Variants in CNTNAP2 observed in about 807,000 individuals in gnomAD.
The protein encoded by CNTNAP2 is contactin associated protein 2.
A neutral mutation model predicts 155.2 loss-of-function variants in CNTNAP2; 98 were observed. The observed-to-expected ratio is 0.63, with a 90% confidence interval of 0.54 to 0.75. The LOEUF (loss-of-function observed/expected upper bound fraction) is 0.75. Ranked by LOEUF, CNTNAP2 falls within the 30% of genes least tolerant of loss-of-function variation. CNTNAP2 has a pLI of 0.00. For missense variants in CNTNAP2, 1,727 were observed against 1,688.1 expected (o/e 1.02, Z -0.40); for synonymous variants, 651 against 631.2 (o/e 1.03, Z -0.47).
intron 18 of CNTNAP2, among the ~76,000 whole-genome samples, chr7:148,209,951 C>T (rs1312556139): frequency 2.6e-5 from 4 of 152,220 alleles, no homozygotes; most frequent in African/African-American, 9.7e-5. Flanking sequence ...TCCTAGAATA[C>T]TTTCCCTACC....
At chr7:147,714,445 T>G (rs1464843) in intron 13 of CNTNAP2, among the ~76,000 whole-genome samples, 2 of 42,456 alleles carry the variant, frequency 4.7e-5, no homozygotes, top group East Asian at 1.7e-3. Context: ...GTGTTTGTTT[T>G]TGTTTCAGTT....
In CNTNAP2 at chr7:147,357,161, C is replaced by G. The variant is rs115203296; in HGVS notation, c.1499-38448C>G. On this transcript the variant is annotated intron_variant, in intron 9 of 23. Transcript: ENST00000361727. ...GGTACTATTATTATTCTTTCTGGGT[C>G]TACCCCTTTGTCCTCTAGCTATTTT... Among the ~76,000 whole-genome samples, 1,317 of 152,214 alleles carry G rather than the reference C, an allele frequency of 8.7e-3. 20 individuals are homozygous for G. The highest frequency in any genetic ancestry group is 0.03 in the African/African-American group (1,263 of 41,534).
intron 1 of CNTNAP2, among the ~76,000 whole-genome samples, chr7:146,469,322 A>G (rs1584939610): frequency 6.6e-6 from 1 of 151,604 alleles, no homozygotes; most frequent in Non-Finnish European, 1.5e-5. Context: ...CCTGCACATC[A>G]TCTCGGTCCC....
At chr7:147,227,744 G>A (rs537838172) in intron 8 of CNTNAP2, among the ~76,000 whole-genome samples, 2 of 152,208 alleles carry the variant, frequency 1.3e-5, no homozygotes, top group South Asian at 4.2e-4. Flanking sequence ...GTTGACTTTG[G>A]GCTCTCTACT....
chr7:148,375,192 G>C (rs912333283), intron 21 of CNTNAP2, among the ~76,000 whole-genome samples: 4 of 150,978 alleles, frequency 2.6e-5, no homozygotes, highest in Non-Finnish European at 5.9e-5. Flanking sequence ...CAATGTTTTT[G>C]GTACTGTGTA....
At chr7:147,141,412 T>G (rs542139633) in intron 8 of CNTNAP2, among the ~76,000 whole-genome samples, 1 of 152,278 alleles carries the variant, frequency 6.6e-6, no homozygotes, top group Non-Finnish European at 1.5e-5. Context: ...CCAGATTGCC[T>G]ACTGGCTATC....
intron 2 of CNTNAP2, among the ~76,000 whole-genome samples, chr7:146,810,385 G>C (rs1460498921): frequency 6.8e-6 from 1 of 147,316 alleles, no homozygotes; most frequent in African/African-American, 2.5e-5. Flanking sequence ...ATAGTTTTTA[G>C]TGTATGGACC....
intron 18 of CNTNAP2, among the ~76,000 whole-genome samples, chr7:148,182,049 G>T (rs890185336): frequency 1.3e-5 from 2 of 150,470 alleles, no homozygotes; most frequent in African/African-American, 4.9e-5. Context: ...GAGCCACCGC[G>T]CCTGGCCAAG....
intron 8 of CNTNAP2, among the ~76,000 whole-genome samples, chr7:147,254,405 G>T (rs1363007882): frequency 3.3e-5 from 5 of 152,112 alleles, no homozygotes; most frequent in Non-Finnish European, 5.9e-5. Context: ...CCAAGTACTA[G>T]TATAAAAATA....
At chr7:146,875,477 TTTTGAAAGTGC>T (rs1795399383) in intron 3 of CNTNAP2, among the ~76,000 whole-genome samples, 1 of 152,152 alleles carries the variant, frequency 6.6e-6, no homozygotes. Flanking sequence ...TGTAAATCTT[TTTTGAAAGTGC>T]TTTGCCAGTT....
At chr7:147,425,115 C>A (rs1300666761) in intron 10 of CNTNAP2, among the ~76,000 whole-genome samples, 1 of 149,928 alleles carries the variant, frequency 6.7e-6, no homozygotes, top group African/African-American at 2.5e-5. Flanking sequence ...AATGTAAAAG[C>A]CAAAGGTTTT....
intron 4 of CNTNAP2, among the ~76,000 whole-genome samples, chr7:147,091,970 A>G (rs1198157569): frequency 1.3e-5 from 2 of 151,582 alleles, no homozygotes; most frequent in Admixed American, 1.3e-4. Context: ...CGATCTCCTG[A>G]CCTCGTGATC....
intron 3 of CNTNAP2, among the ~76,000 whole-genome samples, chr7:147,020,044 A>G (rs1798792627): frequency 6.6e-6 from 1 of 152,138 alleles, no homozygotes; most frequent in African/African-American, 2.4e-5. Context: ...TAGATATAGT[A>G]TAGTATAGTA....
At chr7:147,067,468 T>A (rs1325138653) in intron 4 of CNTNAP2, among the ~76,000 whole-genome samples, 1 of 152,096 alleles carries the variant, frequency 6.6e-6, no homozygotes. Context: ...TCTACTAAAC[T>A]CAAAAAACTG....
chr7:147,517,607 A>G (rs137984728), intron 11 of CNTNAP2, among the ~76,000 whole-genome samples: 315 of 152,348 alleles, frequency 2.1e-3, no homozygotes, highest in African/African-American at 6.8e-3. Context: ...GCTATGATAA[A>G]CAAGAGGAAC....
intron 1 of CNTNAP2, among the ~76,000 whole-genome samples, chr7:146,411,946 C>T (rs1252257764): frequency 6.6e-6 from 1 of 151,920 alleles, no homozygotes; most frequent in African/African-American, 2.4e-5. Context: ...AAGTGATTCT[C>T]CTGCCTCAAC....
chr7:147,536,878 C>T (rs1242236761), intron 11 of CNTNAP2, among the ~76,000 whole-genome samples: 2 of 152,120 alleles, frequency 1.3e-5, no homozygotes, highest in Non-Finnish European at 2.9e-5. Flanking sequence ...TATGCCTGGC[C>T]GTAAAGCCTC....
At chr7:146,639,914 T>G (rs1174530761) in intron 1 of CNTNAP2, among the ~76,000 whole-genome samples, 1 of 152,222 alleles carries the variant, frequency 6.6e-6, no homozygotes, top group Non-Finnish European at 1.5e-5. Context: ...CCTGTTCTAG[T>G]AACTATTATG....
chr7:147,538,802 T>A (rs560219044), intron 11 of CNTNAP2, among the ~76,000 whole-genome samples: 1 of 152,302 alleles, frequency 6.6e-6, no homozygotes, highest in Non-Finnish European at 1.5e-5. Context: ...GTATTTTAAC[T>A]TTTTTTCTCT....
Sources: allele counts gnomAD v4.1 joint callset (sites outside exome capture counted in the v4.1 genomes callset), GRCh38; gene constraint gnomAD v4.1.1; transcripts MANE v1.5; gene names NCBI Gene and HGNC (gene_info 2026-07-23, HGNC 2026-07-21).